Variants in MTCL2 observed in about 807,000 individuals in gnomAD.
MTCL2 encodes the protein microtubule crosslinking factor 2.
the MTCL2 span, chr20:36,794,766 TTTC>T: frequency 8.2e-6 from 7 of 855,230 alleles, no homozygotes; most frequent in Admixed American, 7.7e-5. The surrounding 1 kb of genome is among the most constrained non-coding windows in gnomAD (Gnocchi z 5.4). Context: ...CTGTCTGCAT[TTTC>T]TTTTTTTTTT....
chr20:36,818,945 G>A, the MTCL2 span, among the ~76,000 whole-genome samples: 7 of 152,194 alleles, frequency 4.6e-5, no homozygotes, highest in Admixed American at 1.3e-4. Flanking sequence ...GGCACATGAT[G>A]ATATTCAACC....
At chr20:36,829,960 C>T in the MTCL2 span, among the ~76,000 whole-genome samples, 1 of 152,074 alleles carries the variant, frequency 6.6e-6, no homozygotes, top group Non-Finnish European at 1.5e-5. Flanking sequence ...AATCATGCCA[C>T]TGCACTCCAG....
chr20:36,839,356 C>CGCAGCTCCTGCA, the MTCL2 span: 1 of 1,612,976 alleles, frequency 6.2e-7, no homozygotes, highest in Non-Finnish European at 8.5e-7. This position sits in a 1 kb window ranked among gnomAD's most constrained non-coding sequence, Gnocchi z 5.1. Context: ...CAGCTGCTGT[C>CGCAGCTCCTGCA]GCAGCTCCTG....
At chr20:36,855,962 G>C in the MTCL2 span, among the ~76,000 whole-genome samples, 1 of 152,146 alleles carries the variant, frequency 6.6e-6, no homozygotes, top group Admixed American at 6.5e-5. Context: ...TCAGGCCCAG[G>C]GCTGCAGACA....
the MTCL2 span, among the ~76,000 whole-genome samples, chr20:36,822,020 G>C: frequency 1.3e-5 from 2 of 152,246 alleles, no homozygotes; most frequent in Admixed American, 1.3e-4. Flanking sequence ...AGGGTTGGGG[G>C]CAGAGGAGAC....
chr20:36,786,941 T>C, the MTCL2 span, among the ~76,000 whole-genome samples: 1 of 152,196 alleles, frequency 6.6e-6, no homozygotes, highest in African/African-American at 2.4e-5. Context: ...TTTGCAACTG[T>C]AAAACACGAA....
At chr20:36,856,877 CGT>C in the MTCL2 span, among the ~76,000 whole-genome samples, 3 of 152,226 alleles carry the variant, frequency 2.0e-5, no homozygotes, top group South Asian at 2.1e-4. Flanking sequence ...CACGTGTGTG[CGT>C]GTGTCTAGGT....
chr20:36,816,098 C>A, the MTCL2 span: 1 of 1,613,638 alleles, frequency 6.2e-7, no homozygotes, highest in Non-Finnish European at 8.5e-7. Context: ...GCTTCAGGTG[C>A]ACCTTCAGCT....
chr20:36,786,437 T>C, the MTCL2 span: 4 of 1,491,538 alleles, frequency 2.7e-6, no homozygotes, highest in East Asian at 9.9e-5. Context: ...GGTTCCCTTC[T>C]GCTATCCAGG....
At chr20:36,859,869 A>G in the MTCL2 span, 1 of 1,231,660 alleles carries the variant, frequency 8.1e-7, no homozygotes, top group African/African-American at 1.5e-5. Flanking sequence ...GGCAGAAAAC[A>G]CATCAAGAGT....
At chr20:36,835,783 C>G in the MTCL2 span, among the ~76,000 whole-genome samples, 1 of 152,046 alleles carries the variant, frequency 6.6e-6, no homozygotes. Context: ...ATTCAAACCC[C>G]AACAGAAACG....
the MTCL2 span, chr20:36,812,932 G>A: frequency 2.7e-6 from 4 of 1,477,386 alleles, no homozygotes; most frequent in Non-Finnish European, 3.6e-6. Context: ...CCAGGCCTCT[G>A]CGCTCCCTAA....
At chr20:36,797,372 G>T in the MTCL2 span, 1 of 886,396 alleles carries the variant, frequency 1.1e-6, no homozygotes, top group Non-Finnish European at 1.7e-6. Flanking sequence ...CTCCAGGGCT[G>T]AGGAGCCCAA....
At chr20:36,811,367 G>A in the MTCL2 span, among the ~76,000 whole-genome samples, 2 of 151,984 alleles carry the variant, frequency 1.3e-5, no homozygotes, top group African/African-American at 2.4e-5. Context: ...AGTGGCTCAC[G>A]CCTGTAATAC....
At chr20:36,835,270 T>C in the MTCL2 span, among the ~76,000 whole-genome samples, 1 of 151,994 alleles carries the variant, frequency 6.6e-6, no homozygotes, top group African/African-American at 2.4e-5. Context: ...GTAGGTCCTG[T>C]CAACGGTGAG....
chr20:36,813,640 A>T, the MTCL2 span, among the ~76,000 whole-genome samples: 1 of 149,572 alleles, frequency 6.7e-6, no homozygotes, highest in Non-Finnish European at 1.5e-5. Context: ...AGACGGAGAC[A>T]GGAGAATTGT....
chr20:36,859,316 G>C, the MTCL2 span, among the ~76,000 whole-genome samples: 2 of 152,116 alleles, frequency 1.3e-5, no homozygotes, highest in African/African-American at 4.8e-5. Flanking sequence ...AGATCACCGG[G>C]TCTTTGAAGG....
At chr20:36,862,671 T>C in the MTCL2 span, 1 of 1,498,202 alleles carries the variant, frequency 6.7e-7, no homozygotes, top group Non-Finnish European at 8.9e-7. Flanking sequence ...GAGATAGTCG[T>C]TCTCCGAGCG....
the MTCL2 span, among the ~76,000 whole-genome samples, chr20:36,862,345 C>T: frequency 2.6e-5 from 4 of 152,226 alleles, no homozygotes; most frequent in Non-Finnish European, 5.9e-5. Context: ...AGATCCATCC[C>T]TTCCCTGGCT....
Sources: allele counts gnomAD v4.1 joint callset (sites outside exome capture counted in the v4.1 genomes callset), GRCh38; gene constraint gnomAD v4.1.1; non-coding constraint Gnocchi (gnomAD v3.1); transcripts MANE v1.5; gene names NCBI Gene and HGNC (gene_info 2026-07-23, HGNC 2026-07-21).